TNRC6A: variants seen among roughly 807,000 people sequenced by gnomAD.
TNRC6A encodes trinucleotide repeat-containing gene 6A protein.
In TNRC6A, 44 loss-of-function variants were observed where a neutral mutation model predicts 221.2. The observed-to-expected ratio is 0.20, with a 90% confidence interval of 0.16 to 0.26. The LOEUF (loss-of-function observed/expected upper bound fraction) is 0.26, where lower values mean the gene tolerates loss of function less well. TNRC6A is among the 10% of genes least tolerant of loss of function. The pLI, the probability that TNRC6A is intolerant of heterozygous loss-of-function variation, is 1.00. For synonymous variants in TNRC6A, 847 were observed against 838.5 expected, an observed-to-expected ratio of 1.01 and a Z score of -0.18; for missense variants, 2,199 against 2,404.4, an observed-to-expected ratio of 0.91 and a Z score of 1.79.
chr16:24,698,703 T>C (rs2055911036), intron 2 of TNRC6A, among the ~76,000 whole-genome samples: 1 of 152,030 alleles, frequency 6.6e-6, no homozygotes, highest in Admixed American at 6.6e-5. Context: ...CCTAGGGTCT[T>C]TGGGGAGGTT....
At chr16:24,700,557 ATAAG>A (rs1256683004) in intron 2 of TNRC6A, among the ~76,000 whole-genome samples, 3 of 152,034 alleles carry the variant, frequency 2.0e-5, no homozygotes, top group Non-Finnish European at 4.4e-5. Context: ...TATTAAATAA[ATAAG>A]TAAGTGGTGC....
chr16:24,618,555 A>T (rs1290650772), intron 1 of TNRC6A, among the ~76,000 whole-genome samples: 1 of 151,512 alleles, frequency 6.6e-6, no homozygotes. Context: ...AGTACACAAG[A>T]TGATCTATTA....
intron 2 of TNRC6A, among the ~76,000 whole-genome samples, chr16:24,654,673 C>A (rs937182435): frequency 1.3e-5 from 2 of 151,770 alleles, no homozygotes; most frequent in Non-Finnish European, 2.9e-5. Flanking sequence ...GAGATGAGAT[C>A]GCACCACTGC....
chr16:24,791,866 T>TATA, intron 6 of TNRC6A, 49 bp downstream of exon 6: 2 of 1,448,436 alleles, frequency 1.4e-6, no homozygotes, highest in Non-Finnish European at 1.8e-6. Flanking sequence ...TTACTGTTAT[T>TATA]ATAAGATTTG....
At chr16:24,711,113 G>A (rs2056197547) in intron 2 of TNRC6A, among the ~76,000 whole-genome samples, 1 of 152,002 alleles carries the variant, frequency 6.6e-6, no homozygotes, top group African/African-American at 2.4e-5. Context: ...CTGACCTCGT[G>A]ATCCACCTGC....
At chr16:24,675,702 CTATA>C (rs60165161) in intron 2 of TNRC6A, among the ~76,000 whole-genome samples, 1,635 of 32,810 alleles carry the variant, frequency 0.05, 27 homozygotes, top group Non-Finnish European at 0.053. Context: ...CTCTCTCTCT[CTATA>C]TATATATATA....
chr16:24,784,070 C>T (rs905569969), intron 5 of TNRC6A, among the ~76,000 whole-genome samples: 1 of 152,140 alleles, frequency 6.6e-6, no homozygotes. Context: ...GGTGCGATCT[C>T]GACTCACTGC....
intron 22 of TNRC6A, among the ~76,000 whole-genome samples, 172 bp downstream of exon 22, chr16:24,820,532 A>G (rs1253458069): frequency 2.0e-5 from 3 of 152,238 alleles, no homozygotes; most frequent in Non-Finnish European, 4.4e-5. Context: ...ACAGGCTGCA[A>G]TAACATTAAT....
intron 2 of TNRC6A, among the ~76,000 whole-genome samples, chr16:24,735,526 A>G (rs1032038597): frequency 2.2e-4 from 34 of 152,234 alleles, no homozygotes; most frequent in Non-Finnish European, 3.4e-4. Flanking sequence ...GTACCAACCC[A>G]ATATGCTTTT....
rs1266952562 is a variant in TNRC6A, at chr16:24,790,799, C to T, written c.2157C>T (p.Ser719=). ...NRTDLDPRVL[S]NSGWGQTPIK... is the part of the protein sequence containing the mutation. The stretch of plus-strand genomic sequence containing the variant: ...CTGACTTAGATCCACGTGTCCTGTC[C>T]AACTCTGGTTGGGGACAGACTCCTA... Residue 719 remains serine (S), a synonymous_variant, in exon 6 of 25, where the codon TCC becomes TCT. Coordinates refer to ENST00000395799, the MANE Select transcript of TNRC6A (RefSeq NM_014494.4). The T allele has an allele frequency of 1.2e-6, 2 of 1,614,106 alleles. No homozygotes were observed. Among genetic ancestry groups the T allele is most frequent in the Non-Finnish European group, 8.5e-7 (1 of 1,180,038 alleles).
At position 24,650,527 on chromosome 16, in the gene TNRC6A, C is replaced by T. The variant is rs1027303890; in HGVS notation, n.402+9518C>T. 4.9e-4 allele frequency among the ~76,000 whole-genome samples: 74 copies of T among 152,088 alleles called. 4 individuals are homozygous for T. Among genetic ancestry groups the T allele is most frequent in the Admixed American group, 5.2e-4 (8 of 15,272 alleles). On this transcript the variant is annotated intron_variant and non_coding_transcript_variant, in intron 2 of 2. Transcript: ENST00000566108. Reference sequence around the variant, plus strand: ...TAAAAATACAAACATTAGCCTGGCACGGTGGCAGGTGCCTGTAAGCCTAGC... The same window carrying T: ...TAAAAATACAAACATTAGCCTGGCATGGTGGCAGGTGCCTGTAAGCCTAGC...
At chr16:24,798,139 T>C (rs758104874) in intron 11 of TNRC6A, 173 bp downstream of exon 11, 35 of 494,796 alleles carry the variant, frequency 7.1e-5, no homozygotes, top group Non-Finnish European at 1.2e-4. Flanking sequence ...GCAGGACCAC[T>C]GTGCAGATCA....
chr16:24,823,494 T>G lies in TNRC6A; in HGVS notation c.5576T>G (p.Phe1859Cys). 6.2e-7 allele frequency: 1 copy of G among 1,614,140 alleles called. No homozygotes were observed. The highest frequency in any genetic ancestry group is 8.5e-7 in the Non-Finnish European group (1 of 1,180,016). ...GCCAGTGAAGAGGAGATCAGTCGTTTCTTTGCACAAAGCCAGTCTCTGACC... is the reference window on the plus strand; with the variant it reads ...GCCAGTGAAGAGGAGATCAGTCGTTGCTTTGCACAAAGCCAGTCTCTGACC... The part of the protein sequence containing the change: ...EFASEEEISR[F>C]FAQSQSLTPS... The change falls in exon 25 of 25, where the codon TTC becomes TGC. Residue 1859 changes from phenylalanine (F) to cysteine (C), a missense_variant. Around this residue, in one of 8 missense-constraint regions of TNRC6A, gnomAD observed 20 missense variants for 25.6 expected, o/e 0.78. Coordinates refer to ENST00000395799, the MANE Select transcript of TNRC6A (RefSeq NM_014494.4). This position sits in a 1 kb window ranked among gnomAD's most constrained non-coding sequence, Gnocchi z 4.3.
chr16:24,791,385 A>G lies in TNRC6A; in HGVS notation c.2743A>G (p.Lys915Glu). The G allele has an allele frequency of 6.3e-7, 1 of 1,579,220 alleles. No individual in the cohort carries two copies. Among genetic ancestry groups the G allele is most frequent in the South Asian group, 1.2e-5 (1 of 83,386 alleles). Residue 915 changes from lysine to glutamate, a missense_variant, in exon 6 of 25, where the codon AAA (lysine) becomes GAA (glutamate). Lys to Glu is a moderately conservative substitution (Grantham distance 56, BLOSUM62 1). Transcript: ENST00000395799. Reference protein sequence around the residue: ...NNSSGWDESSKPTPSQGWGDP... With the variant: ...NNSSGWDESSEPTPSQGWGDP... ...TTCATCAGGATGGGATGAATCTTCTAAACCTACTCCTTCCCAGGGATGGGG... is the reference window on the plus strand; with the variant it reads ...TTCATCAGGATGGGATGAATCTTCTGAACCTACTCCTTCCCAGGGATGGGG...
At chr16:24,763,680 T>C (rs1359518477) in intron 4 of TNRC6A, among the ~76,000 whole-genome samples, 5 of 152,226 alleles carry the variant, frequency 3.3e-5, no homozygotes, top group Non-Finnish European at 7.3e-5. Flanking sequence ...TTGCCTACCC[T>C]GTTTTATGCA....
intron 9 of TNRC6A, among the ~76,000 whole-genome samples, chr16:24,797,013 C>G (rs1382855275): frequency 2.0e-5 from 3 of 152,290 alleles, no homozygotes; most frequent in East Asian, 3.9e-4. Flanking sequence ...AATACTTTTT[C>G]ATGTGGAAAA....
intron 2 of TNRC6A, among the ~76,000 whole-genome samples, chr16:24,687,401 G>C (rs189048517): frequency 2.0e-5 from 3 of 152,260 alleles, no homozygotes; most frequent in Non-Finnish European, 4.4e-5. Context: ...TGGCACGTAA[G>C]GTCTTTTACA....
intron 2 of TNRC6A, among the ~76,000 whole-genome samples, chr16:24,677,122 T>C (rs1441350669): frequency 6.6e-6 from 1 of 151,806 alleles, no homozygotes; most frequent in African/African-American, 2.4e-5. Context: ...GGCCTTCTCA[T>C]CCTTCCTTAA....
chr16:24,815,859 C>T (rs2058646440), intron 19 of TNRC6A: 1 of 157,030 alleles, frequency 6.4e-6, no homozygotes, highest in Non-Finnish European at 1.4e-5. Flanking sequence ...ACAACAAAAA[C>T]TTTAATTCGC....
Sources: allele counts gnomAD v4.1 joint callset (sites outside exome capture counted in the v4.1 genomes callset), GRCh38; gene constraint gnomAD v4.1.1; regional missense constraint gnomAD v4.1.1; non-coding constraint Gnocchi (gnomAD v3.1); transcripts MANE v1.5; gene names NCBI Gene and HGNC (gene_info 2026-07-23, HGNC 2026-07-21).